The following PMFBP1 variants were observed in gnomAD, a reference collection of about 807,000 sequenced individuals.
PMFBP1 encodes the protein polyamine modulated factor 1 binding protein 1, also known as polyamine-modulated factor 1-binding protein 1.
Under a neutral mutation model 137.8 loss-of-function variants are expected in PMFBP1, and 131 were observed. The observed-to-expected ratio is 0.95, with a 90% confidence interval of 0.82 to 1.10. PMFBP1 has a LOEUF of 1.10. PMFBP1 is among the 50% of genes least tolerant of loss of function. The probability of loss-of-function intolerance (pLI) is 0.00; values close to 1 mark genes in which losing one functional copy is unlikely to be tolerated. For missense variants in PMFBP1, 1,199 were observed against 1,175.4 expected (o/e 1.02, Z -0.29); for synonymous variants, 490 against 450.4 (o/e 1.09, Z -1.11).
intron 12 of PMFBP1, 87 bp from the exon 13 acceptor site, chr16:72,129,320 G>A: frequency 7.0e-7 from 1 of 1,424,594 alleles, no homozygotes; most frequent in Non-Finnish European, 9.4e-7. Context: ...ACAGGGCATG[G>A]CTGAGATGAA....
At chr16:72,133,907 A>G (rs2042586168) in intron 9 of PMFBP1, among the ~76,000 whole-genome samples, 2 of 152,160 alleles carry the variant, frequency 1.3e-5, no homozygotes, top group South Asian at 2.1e-4. Flanking sequence ...ACTTGAAGTC[A>G]GGAGTTAGAG....
chr16:72,120,016 T>C lies in PMFBP1; in HGVS notation c.2842A>G (p.Met948Val), dbSNP rs752755746. The change falls in exon 20 of 21, where the codon ATG (methionine) becomes GTG (valine). Residue 948 changes from methionine to valine, a missense_variant. Met to Val is a conservative substitution (Grantham distance 21, BLOSUM62 1). Transcript: ENST00000237353. ...KLKKEIEEKK[M>V]KAENTRLCTK... The stretch of plus-strand genomic sequence containing the variant: ...CATAGCCTTGTGTTCTCGGCTTTCA[T>C]CTTCTTCTCTTCTATCTCCTTCTTC... The C allele has an allele frequency of 1.2e-6, 2 of 1,614,124 alleles. No individual in the cohort carries two copies. The highest frequency in any genetic ancestry group is 1.7e-5 in the Admixed American group (1 of 60,030).
chr16:72,229,701 A>T, the PMFBP1 span, among the ~76,000 whole-genome samples: 1 of 151,966 alleles, frequency 6.6e-6, no homozygotes, highest in Non-Finnish European at 1.5e-5. Context: ...TTCTTGATGC[A>T]CTCTTGGTAA....
chr16:72,200,144 C>T, the PMFBP1 span, among the ~76,000 whole-genome samples: 2 of 152,236 alleles, frequency 1.3e-5, no homozygotes, highest in Non-Finnish European at 2.9e-5. Context: ...AACAGGCTCA[C>T]TCCACTGTCA....
the PMFBP1 span, among the ~76,000 whole-genome samples, chr16:72,229,908 G>A: frequency 1.3e-5 from 2 of 152,134 alleles, no homozygotes; most frequent in Non-Finnish European, 2.9e-5. Context: ...GAGGTGACCA[G>A]TACAAAGTAG....
At chr16:72,247,792 T>C in the PMFBP1 span, among the ~76,000 whole-genome samples, 1 of 152,186 alleles carries the variant, frequency 6.6e-6, no homozygotes, top group Non-Finnish European at 1.5e-5. Flanking sequence ...GTATCAGAGA[T>C]TTTATGTATA....
At chr16:72,125,210 G>A (rs2042436564) in intron 16 of PMFBP1, 28 bp downstream of exon 16, 22 of 1,602,390 alleles carry the variant, frequency 1.4e-5, no homozygotes, top group Non-Finnish European at 1.9e-5. Context: ...TACCAGGAAG[G>A]CAGCCCAAGC....
chr16:72,205,875 T>G, the PMFBP1 span, among the ~76,000 whole-genome samples: 31 of 152,246 alleles, frequency 2.0e-4, 1 homozygote, highest in South Asian at 5.8e-3. Context: ...AGCATCTAGA[T>G]GGAGGCTCTG....
chr16:72,154,853 T>C (rs552723839), intron 3 of PMFBP1, among the ~76,000 whole-genome samples: 1 of 152,270 alleles, frequency 6.6e-6, no homozygotes, highest in Admixed American at 6.5e-5. Flanking sequence ...CTAAACTTGG[T>C]ATTAAAAACA....
chr16:72,171,602 G>A, intron 1 of PMFBP1: 1 of 197,254 alleles, frequency 5.1e-6, no homozygotes, highest in Admixed American at 5.4e-5. Context: ...CTAATATTAT[G>A]TACTTATTAT....
the PMFBP1 span, among the ~76,000 whole-genome samples, chr16:72,243,786 C>T: frequency 6.6e-6 from 1 of 152,216 alleles, no homozygotes; most frequent in East Asian, 1.9e-4. Flanking sequence ...AAGATCTCTG[C>T]CTAAACCAGA....
chr16:72,132,612 G>T, intron 10 of PMFBP1, 136 bp downstream of exon 10: 1 of 1,379,484 alleles, frequency 7.2e-7, no homozygotes, highest in Non-Finnish European at 9.8e-7. Flanking sequence ...TATAGGATGA[G>T]GCCCTGAGAA....
chr16:72,144,152 A>G (rs939970220), intron 5 of PMFBP1, among the ~76,000 whole-genome samples: 1 of 152,236 alleles, frequency 6.6e-6, no homozygotes, highest in Non-Finnish European at 1.5e-5. Context: ...AGATCTACAG[A>G]GAAAAGTACA....
At chr16:72,190,946 T>A in the PMFBP1 span, among the ~76,000 whole-genome samples, 1 of 152,206 alleles carries the variant, frequency 6.6e-6, no homozygotes, top group East Asian at 1.9e-4. Context: ...GTTTGTTGAA[T>A]GAATGAATGG....
At chr16:72,200,470 C>CCTGTAGACAG in the PMFBP1 span, among the ~76,000 whole-genome samples, 4 of 152,148 alleles carry the variant, frequency 2.6e-5, no homozygotes, top group Non-Finnish European at 4.4e-5. Flanking sequence ...AAGCAATGGC[C>CCTGTAGACAG]CTGTAGACAG....
chr16:72,238,680 T>C, the PMFBP1 span, among the ~76,000 whole-genome samples: 1 of 152,212 alleles, frequency 6.6e-6, no homozygotes, highest in Non-Finnish European at 1.5e-5. Context: ...TGCTATGTTT[T>C]GAGCATATTT....
chr16:72,173,536 G>C (rs1214989725), upstream of PMFBP1, among the ~76,000 whole-genome samples: 1 of 152,198 alleles, frequency 6.6e-6, no homozygotes, highest in Non-Finnish European at 1.5e-5. Flanking sequence ...AATTTACTAA[G>C]TAAGGTAAGT....
chr16:72,217,766 T>TGG, the PMFBP1 span, among the ~76,000 whole-genome samples: 3 of 152,092 alleles, frequency 2.0e-5, no homozygotes, highest in Non-Finnish European at 4.4e-5. Flanking sequence ...GGCAGGAGAA[T>TGG]TGCTTGAACT....
At position 72,124,759 on chromosome 16, in the gene PMFBP1, A is replaced by G; in HGVS notation, c.2589+8T>C. The G allele has an allele frequency of 1.2e-6, 2 of 1,612,404 alleles. No homozygotes were observed. The highest frequency in any genetic ancestry group is 1.7e-6 in the Non-Finnish European group (2 of 1,178,926). The stretch of plus-strand genomic sequence containing the variant: ...AGAGGAGGCACGCAGAAGCCAAGGC[A>G]TGCCCACCTCCTTATCGTCCTCAAG... On this transcript the variant is annotated splice_region_variant and intron_variant, in intron 17 of 20. Transcript: ENST00000237353.
Sources: allele counts gnomAD v4.1 joint callset (sites outside exome capture counted in the v4.1 genomes callset), GRCh38; gene constraint gnomAD v4.1.1; transcripts MANE v1.5; gene names NCBI Gene and HGNC (gene_info 2026-07-23, HGNC 2026-07-21).